Variants in PPP1R9A observed in about 807,000 individuals in gnomAD.
PPP1R9A encodes protein phosphatase 1 regulatory subunit 9A.
PPP1R9A carries 59 observed loss-of-function variants against 141.9 expected under a neutral mutation model. The ratio of observed to expected loss-of-function variants is 0.42; its 90% confidence interval spans 0.34 to 0.52. The LOEUF is 0.52. Ranked by LOEUF, PPP1R9A falls within the 20% of genes least tolerant of loss-of-function variation. PPP1R9A has a pLI of 0.10. For missense variants in PPP1R9A, 1,444 were observed against 1,611.9 expected, an observed-to-expected ratio of 0.90 and a Z score of 1.78; for synonymous variants, 500 against 569.7, an observed-to-expected ratio of 0.88 and a Z score of 1.74.
intron 4 of PPP1R9A, among the ~76,000 whole-genome samples, chr7:95,138,149 G>A (rs948464370): frequency 5.9e-5 from 9 of 151,990 alleles, no homozygotes; most frequent in Admixed American, 1.3e-4. Flanking sequence ...AGCCAGGATG[G>A]TCTCGATCTC....
At chr7:95,115,105 A>G (rs1454278405) in intron 3 of PPP1R9A, among the ~76,000 whole-genome samples, 1 of 152,176 alleles carries the variant, frequency 6.6e-6, no homozygotes, top group Non-Finnish European at 1.5e-5. Context: ...AAGAAAATCT[A>G]GTAAAATAAG....
rs1797691110 is a variant in PPP1R9A, at chr7:95,243,162, C to T, written c.2113-4311C>T. On this transcript the variant is annotated intron_variant, in intron 8 of 19. Coordinates refer to ENST00000433360, the MANE Select transcript of PPP1R9A (RefSeq NM_001166160.2). ...CACTTTGCTTGGAAAGTAGGGTCCA[C>T]GTCTGGACAAACAGGCCAAAGACAC... Among the ~76,000 whole-genome samples the T allele has an allele frequency of 3.3e-5, 5 of 152,126 alleles. No individual in the cohort carries two copies. In the South Asian group the frequency reaches 6.2e-4, roughly 19 times the overall value.
intron 12 of PPP1R9A, among the ~76,000 whole-genome samples, chr7:95,263,711 G>A (rs989308326): frequency 1.3e-5 from 2 of 152,112 alleles, no homozygotes; most frequent in Non-Finnish European, 2.9e-5. Context: ...CACTGTACCC[G>A]GCCTCTTTCC....
chr7:95,133,971 C>T (rs951750182), intron 4 of PPP1R9A, among the ~76,000 whole-genome samples: 1 of 152,142 alleles, frequency 6.6e-6, no homozygotes, highest in Non-Finnish European at 1.5e-5. Flanking sequence ...GCATGAGCCA[C>T]AACACTCGGC....
chr7:95,210,680 G>C (rs1441693351), intron 7 of PPP1R9A, among the ~76,000 whole-genome samples: 1 of 151,978 alleles, frequency 6.6e-6, no homozygotes, highest in East Asian at 1.9e-4. Context: ...TCATTCTACT[G>C]TAAAGACACA....
intron 1 of PPP1R9A, among the ~76,000 whole-genome samples, chr7:94,909,323 C>T (rs1251943870): frequency 6.6e-6 from 1 of 152,178 alleles, no homozygotes; most frequent in East Asian, 1.9e-4. Context: ...CTTTTTTTCT[C>T]CTTGTTTTGA....
intron 2 of PPP1R9A, among the ~76,000 whole-genome samples, chr7:95,032,360 C>CTT (rs536682631): frequency 1.4e-5 from 2 of 147,410 alleles, no homozygotes. Context: ...AAGACATAAT[C>CTT]TTTTTTTTTT....
chr7:95,270,080 CT>C (rs949209238), intron 14 of PPP1R9A, among the ~76,000 whole-genome samples: 1 of 152,126 alleles, frequency 6.6e-6, no homozygotes, highest in African/African-American at 2.4e-5. Context: ...TACAGTCACA[CT>C]TTTTTACTTA....
chr7:95,284,877 T>C (rs1408519221), intron 17 of PPP1R9A, among the ~76,000 whole-genome samples: 4 of 152,226 alleles, frequency 2.6e-5, no homozygotes, highest in African/African-American at 7.2e-5. Flanking sequence ...GAAACACATA[T>C]GGTGGCTAAC....
intron 5 of PPP1R9A, among the ~76,000 whole-genome samples, chr7:95,167,185 G>A (rs1319623753): frequency 1.3e-5 from 2 of 152,112 alleles, no homozygotes; most frequent in African/African-American, 2.4e-5. Flanking sequence ...ATGACAGCAG[G>A]CAAAGAGAGA....
At chr7:95,119,953 CTTTTTT>C (rs10567531) in intron 3 of PPP1R9A, among the ~76,000 whole-genome samples, 4 of 86,170 alleles carry the variant, frequency 4.6e-5, no homozygotes, top group African/African-American at 8.7e-5. Flanking sequence ...AATATACTAT[CTTTTTT>C]TTTTTTTTTT....
intron 2 of PPP1R9A, among the ~76,000 whole-genome samples, chr7:95,075,536 G>A (rs1037783112): frequency 6.6e-6 from 1 of 152,070 alleles, no homozygotes; most frequent in African/African-American, 2.4e-5. Flanking sequence ...AGGTGATAAA[G>A]TATGGAGAGG....
chr7:95,126,694 C>A (rs1823618840), intron 4 of PPP1R9A, among the ~76,000 whole-genome samples: 1 of 152,124 alleles, frequency 6.6e-6, no homozygotes, highest in Non-Finnish European at 1.5e-5. Context: ...TTGTTTTTAA[C>A]CACTGAGAGT....
chr7:95,108,687 T>C (rs1430442116), intron 2 of PPP1R9A, among the ~76,000 whole-genome samples: 2 of 152,172 alleles, frequency 1.3e-5, no homozygotes, highest in African/African-American at 4.8e-5. Context: ...GTTTGTTTTA[T>C]TTAATTTCAG....
rs527370970 is a variant in PPP1R9A, at chr7:95,254,686, A to T, written c.2665+2556A>T. ...AGTGTAGGTCAATGAAAATGGTCAG[A>T]ATGAAATAGTAAAAGGAAGGGAAGG... On this transcript the variant is annotated intron_variant, in intron 12 of 19. Transcript: ENST00000433360. 7.9e-5 allele frequency among the ~76,000 whole-genome samples: 12 copies of T among 152,264 alleles called. No homozygotes were observed. The South Asian group carries it at 1.2e-3, about 16-fold the overall frequency.
chr7:95,099,633 A>C (rs190643567), intron 2 of PPP1R9A, among the ~76,000 whole-genome samples: 7 of 152,286 alleles, frequency 4.6e-5, no homozygotes, highest in Non-Finnish European at 7.4e-5. Flanking sequence ...TTAATGGCAT[A>C]AACTATTTTT....
At chr7:95,288,848 G>A (rs1805839141) in intron 19 of PPP1R9A, 130 bp downstream of exon 19, 1 of 1,209,298 alleles carries the variant, frequency 8.3e-7, no homozygotes, top group South Asian at 1.6e-5. Context: ...TCAGCAGAAA[G>A]GATGTTGAAT....
intron 2 of PPP1R9A, among the ~76,000 whole-genome samples, chr7:94,932,671 C>A (rs79411886): frequency 0.048 from 7,273 of 152,140 alleles, 219 homozygotes; most frequent in Non-Finnish European, 0.075. Flanking sequence ...AAATTAACTA[C>A]CTGCTCTACC....
intron 4 of PPP1R9A, among the ~76,000 whole-genome samples, chr7:95,128,478 T>C (rs1823970649): frequency 6.6e-6 from 1 of 152,198 alleles, no homozygotes; most frequent in African/African-American, 2.4e-5. Flanking sequence ...GTTTACTCTG[T>C]TGATAATTTA....
Sources: allele counts gnomAD v4.1 joint callset (sites outside exome capture counted in the v4.1 genomes callset), GRCh38; gene constraint gnomAD v4.1.1; transcripts MANE v1.5; gene names NCBI Gene and HGNC (gene_info 2026-07-23, HGNC 2026-07-21).